The following RMDN1 variants were observed in gnomAD, a reference collection of about 807,000 sequenced individuals.
RMDN1 encodes regulator of microtubule dynamics 1, also known as regulator of microtubule dynamics protein 1.
In RMDN1, 48 loss-of-function variants were observed where a neutral mutation model predicts 48.9. That is an observed-to-expected ratio of 0.98 (90% CI 0.78 to 1.25). The LOEUF is 1.25. Ranked by LOEUF, RMDN1 falls within the 50% of genes most tolerant of loss-of-function variation. RMDN1 has a pLI of 0.00. For synonymous variants in RMDN1, 148 were observed against 132.6 expected, an observed-to-expected ratio of 1.12 and a Z score of -0.80; for missense variants, 418 against 373.4, an observed-to-expected ratio of 1.12 and a Z score of -0.98.
intron 2 of RMDN1, among the ~76,000 whole-genome samples, chr8:86,489,709 A>T (rs2130903978): frequency 6.6e-6 from 1 of 152,220 alleles, no homozygotes; most frequent in Non-Finnish European, 1.5e-5. Context: ...GTGCGCCTGT[A>T]ATCCCAGCTA....
chr8:86,488,519 A>T, intron 3 of RMDN1, 33 bp downstream of exon 3: 1 of 1,372,418 alleles, frequency 7.3e-7, no homozygotes, highest in Non-Finnish European at 9.9e-7. Context: ...TTTTGAGGAA[A>T]CCACAAGCCT....
chr8:86,503,925 G>C, intron 2 of RMDN1: 1 of 732,078 alleles, frequency 1.4e-6, no homozygotes. Context: ...CAGCTGAGTT[G>C]GTTGAAATGC....
chr8:86,481,862 TA>T, intron 5 of RMDN1: 1 of 750,806 alleles, frequency 1.3e-6, no homozygotes, highest in African/African-American at 1.8e-5. Context: ...TATTTTTTTT[TA>T]AAAACATCAA....
At position 86,508,626 on chromosome 8, in the gene RMDN1, G is replaced by C; in HGVS notation, c.-6C>G. ...AGTCGAGCAGCCAGCGCCATGACCT[G>C]CAACTTGCGGGCTGACCCTGCACTA... On this transcript the variant is annotated 5_prime_UTR_variant, in exon 1 of 10. Coordinates refer to ENST00000406452, the MANE Select transcript of RMDN1 (RefSeq NM_016033.3). 1.9e-6 allele frequency: 3 copies of C among 1,598,220 alleles called. No homozygotes were observed. Among genetic ancestry groups the C allele is most frequent in the South Asian group, 1.1e-5 (1 of 90,130 alleles).
chr8:86,490,995 A>T (rs938318733), intron 2 of RMDN1, among the ~76,000 whole-genome samples: 1 of 147,326 alleles, frequency 6.8e-6, no homozygotes, highest in South Asian at 2.1e-4. Flanking sequence ...CCATATCTTT[A>T]AAAAAAAAAG....
downstream of RMDN1, chr8:86,472,207 T>G: frequency 1.7e-6 from 1 of 584,784 alleles, no homozygotes; most frequent in Non-Finnish European, 3.0e-6. Context: ...CACACATGTA[T>G]AAATACAGGT....
At chr8:86,508,468 CG>C in intron 1 of RMDN1, 23 bp downstream of exon 1, 3 of 1,536,850 alleles carry the variant, frequency 2.0e-6, no homozygotes, top group Admixed American at 4.0e-5. Flanking sequence ...AAGTGAGGAG[CG>C]GGAGCCAGGA....
chr8:86,472,109 G>C (rs990223629), downstream of RMDN1, among the ~76,000 whole-genome samples: 12 of 152,174 alleles, frequency 7.9e-5, no homozygotes, highest in African/African-American at 2.9e-4. Flanking sequence ...CTGAGAAAAT[G>C]CATGCTGACA....
chr8:86,495,294 G>A (rs1300928355), intron 2 of RMDN1, among the ~76,000 whole-genome samples: 1 of 152,142 alleles, frequency 6.6e-6, no homozygotes, highest in Non-Finnish European at 1.5e-5. Flanking sequence ...CTGGTGTGGA[G>A]TGGCCCACTC....
chr8:86,510,882 G>A (rs527482728), upstream of RMDN1, among the ~76,000 whole-genome samples: 1 of 152,284 alleles, frequency 6.6e-6, no homozygotes, highest in Non-Finnish European at 1.5e-5. Context: ...CAATATTTTG[G>A]GAGGCCAAAT....
At chr8:86,496,207 G>A (rs1225198885) in intron 2 of RMDN1, among the ~76,000 whole-genome samples, 1 of 152,202 alleles carries the variant, frequency 6.6e-6, no homozygotes, top group Non-Finnish European at 1.5e-5. Flanking sequence ...ACACACTTAA[G>A]TTCATAGCGA....
At chr8:86,470,173 C>G, downstream of RMDN1, 2 of 1,288,596 alleles carry the variant, frequency 1.6e-6, no homozygotes, top group Non-Finnish European at 2.0e-6. Flanking sequence ...GAGATATAGC[C>G]TATGTATGTA....
intron 6 of RMDN1, among the ~76,000 whole-genome samples, chr8:86,479,942 C>T (rs1321716500): frequency 6.6e-6 from 1 of 152,124 alleles, no homozygotes; most frequent in Non-Finnish European, 1.5e-5. Context: ...GTATCTGACA[C>T]ACTTTGAAGA....
upstream of RMDN1, among the ~76,000 whole-genome samples, chr8:86,513,601 C>A (rs1008105525): frequency 2.0e-5 from 3 of 152,196 alleles, no homozygotes; most frequent in Non-Finnish European, 4.4e-5. Context: ...AGTTTACTTA[C>A]AATTTGTGTG....
At chr8:86,496,528 A>G (rs900733661) in intron 2 of RMDN1, among the ~76,000 whole-genome samples, 3 of 152,136 alleles carry the variant, frequency 2.0e-5, no homozygotes, top group African/African-American at 4.8e-5. Context: ...TAAATCATCA[A>G]TGATAAAAAA....
At chr8:86,476,628 A>G (rs770998255) in intron 8 of RMDN1, among the ~76,000 whole-genome samples, 3 of 152,232 alleles carry the variant, frequency 2.0e-5, no homozygotes, top group Non-Finnish European at 4.4e-5. Flanking sequence ...CTTTTTCACA[A>G]TATCTGCAAT....
At chr8:86,490,224 CAA>C (rs1331912826) in intron 2 of RMDN1, among the ~76,000 whole-genome samples, 1 of 152,140 alleles carries the variant, frequency 6.6e-6, no homozygotes, top group East Asian at 1.9e-4. Context: ...TAATGGCCCC[CAA>C]AGATGCCCCA....
chr8:86,477,333 AAC>A lies in RMDN1; in HGVS notation c.730-11_730-10del, dbSNP rs34697397. On this transcript the variant is annotated splice_polypyrimidine_tract_variant and intron_variant, in intron 7 of 9. Coordinates refer to ENST00000406452, the MANE Select transcript of RMDN1 (RefSeq NM_016033.3). Reference sequence around the variant, plus strand: ...TGAAAGTAGCCTAAGGCCTGTCAAAAACACAAAGAGCCCAAACATAATAAAAA... The same window carrying A: ...TGAAAGTAGCCTAAGGCCTGTCAAAAACAAAGAGCCCAAACATAATAAAAA... 440,398 of 1,586,972 alleles carry A rather than the reference AAC, an allele frequency of 0.28. 69,167 individuals carry two copies. The highest frequency in any genetic ancestry group is 0.6 in the East Asian group (26,588 of 44,264).
intron 6 of RMDN1, among the ~76,000 whole-genome samples, chr8:86,479,763 CAA>C (rs761143406): frequency 6.6e-6 from 1 of 151,640 alleles, no homozygotes; most frequent in African/African-American, 2.4e-5. Context: ...AGGCTATACT[CAA>C]AAGAGTGTCC....
Sources: allele counts gnomAD v4.1 joint callset (sites outside exome capture counted in the v4.1 genomes callset), GRCh38; gene constraint gnomAD v4.1.1; transcripts MANE v1.5; gene names NCBI Gene and HGNC (gene_info 2026-07-23, HGNC 2026-07-21).